ADAM22: variants seen among roughly 807,000 people sequenced by gnomAD.
ADAM22 encodes disintegrin and metalloproteinase domain-containing protein 22.
In ADAM22, 65 loss-of-function variants were observed where a neutral mutation model predicts 144.6. The observed-to-expected ratio is 0.45, with a 90% CI of 0.37 to 0.55. The LOEUF (loss-of-function observed/expected upper bound fraction) is 0.55. Ranked by LOEUF, ADAM22 falls within the 20% of genes least tolerant of loss-of-function variation. The pLI is 0.00. For synonymous variants in ADAM22, 391 were observed against 412.6 expected (o/e 0.95, Z 0.63); for missense variants, 974 against 1,184.9 (o/e 0.82, Z 2.61).
intron 17 of ADAM22, among the ~76,000 whole-genome samples, chr7:88,146,911 A>G (rs1586181616): frequency 1.3e-5 from 2 of 152,170 alleles, no homozygotes; most frequent in African/African-American, 4.8e-5. Context: ...ATTAAACCAA[A>G]TGTGAAAGAC....
intron 2 of ADAM22, among the ~76,000 whole-genome samples, chr7:87,942,234 A>T (rs1435816281): frequency 3.9e-5 from 6 of 152,216 alleles, no homozygotes; most frequent in African/African-American, 1.4e-4. Context: ...TAGTGTCACT[A>T]TATATGTTAT....
intron 24 of ADAM22, among the ~76,000 whole-genome samples, chr7:88,166,776 C>T (rs1423971860): frequency 6.6e-6 from 1 of 151,864 alleles, no homozygotes; most frequent in African/African-American, 2.4e-5. Flanking sequence ...GGAGCTTGTT[C>T]CAGTAATTAA....
chr7:87,939,429 G>A (rs567021908), intron 2 of ADAM22, among the ~76,000 whole-genome samples: 1 of 152,198 alleles, frequency 6.6e-6, no homozygotes, highest in Non-Finnish European at 1.5e-5. Flanking sequence ...AAGGATTTCA[G>A]TTAGGAGAGT....
intron 18 of ADAM22, 90 bp from the exon 19 acceptor site, chr7:88,150,891 A>T: frequency 1.8e-6 from 2 of 1,132,086 alleles, no homozygotes; most frequent in Non-Finnish European, 2.7e-6. Context: ...ATATTAACAA[A>T]TATGTTTTTA....
rs71120012 is a variant in ADAM22, at chr7:87,966,721, G to GTTTTTTTTTTTTTTTTTTTTTTTTT, written c.247-11608_247-11584dup. Among the ~76,000 whole-genome samples the GTTTTTTTTTTTTTTTTTTTTTTTTT allele has an allele frequency of 1.3e-4, 5 of 39,882 alleles. 1 individual carries two copies. The highest frequency in any genetic ancestry group is 4.6e-4 in the African/African-American group (4 of 8,710). 26.2% of individuals were successfully genotyped at this position (39,882 alleles called of 152,430 possible). On this transcript the variant is annotated intron_variant, in intron 2 of 31. Transcript: ENST00000413139. The stretch of plus-strand genomic sequence containing the variant: ...GAGTTCATCTTATCCAAGGAAAGCC[G>GTTTTTTTTTTTTTTTTTTTTTTTTT]TTTTTTTTTTTTTTTTTTTTTTTTT...
Position 88,145,117 on chromosome 7 carries a change from C to G in ADAM22, c.1321-8C>G. ...ATATTTTAGTTCACTTTTTGGTTTT[C>G]CTCACAGCTTCTTGATCCTCCTGAG... On this transcript the variant is annotated splice_region_variant and splice_polypyrimidine_tract_variant and intron_variant, in intron 15 of 31. Coordinates refer to ENST00000413139, the MANE Select transcript of ADAM22 (RefSeq NM_001324418.2). The G allele has an allele frequency of 6.2e-7, 1 of 1,610,398 alleles. No individual in the cohort carries two copies. The highest frequency in any genetic ancestry group is 2.2e-5 in the East Asian group (1 of 44,804).
intron 3 of ADAM22, among the ~76,000 whole-genome samples, chr7:88,007,773 T>G (rs1794314122): frequency 6.6e-6 from 1 of 152,180 alleles, no homozygotes; most frequent in African/African-American, 2.4e-5. Context: ...GACTTAAACG[T>G]TAGACCTAAA....
At chr7:87,953,736 G>A (rs1474342340) in intron 2 of ADAM22, among the ~76,000 whole-genome samples, 4 of 152,110 alleles carry the variant, frequency 2.6e-5, no homozygotes, top group Admixed American at 6.5e-5. Flanking sequence ...AATGTTGATA[G>A]TGGGGTGTTA....
intron 14 of ADAM22, among the ~76,000 whole-genome samples, chr7:88,138,131 A>C (rs2373484): frequency 6.6e-6 from 1 of 152,002 alleles, no homozygotes; most frequent in Non-Finnish European, 1.5e-5. Context: ...TGCCAGCATG[A>C]GTGACAGAGT....
chr7:88,036,020 T>C (rs78194775), intron 3 of ADAM22, among the ~76,000 whole-genome samples: 5,155 of 152,298 alleles, frequency 0.034, 299 homozygotes, highest in African/African-American at 0.12. Context: ...AATACTTACA[T>C]GTAATCATCA....
Position 88,132,929 on chromosome 7 carries a change from T to C in ADAM22, c.1055T>C (p.Leu352Pro). 6.2e-7 allele frequency: 1 copy of C among 1,613,964 alleles called. No individual in the cohort carries two copies. The change falls in exon 12 of 32, where the codon CTG becomes CCG. Residue 352 changes from leucine (L) to proline (P), a missense_variant. Physicochemically the swap from Leu to Pro is moderately conservative, Grantham distance 98. Coordinates refer to ENST00000413139, the MANE Select transcript of ADAM22 (RefSeq NM_001324418.2). ...TATATTGGTGGGATTTGCTCGTTGC[T>C]GAAAGGAGGAGGCGTGAATGAAGTA... ...AAYIGGICSL[L>P]KGGGVNEFGK...
intron 4 of ADAM22, among the ~76,000 whole-genome samples, chr7:88,082,047 G>C (rs553361303): frequency 6.6e-6 from 1 of 152,238 alleles, no homozygotes; most frequent in South Asian, 2.1e-4. Flanking sequence ...TAAGCCAAAA[G>C]AGCAAAACTG....
chr7:88,184,255 TGGC>T (rs1400399832), intron 29 of ADAM22: 1 of 288,130 alleles, frequency 3.5e-6, no homozygotes, highest in Non-Finnish European at 7.1e-6. Flanking sequence ...AAACATTTTT[TGGC>T]TTAGACTTTG....
rs1851293062 is a variant in ADAM22, at chr7:88,202,876, T to A, written c.*6385T>A. On this transcript the variant is annotated 3_prime_UTR_variant, in exon 32 of 32. Transcript: ENST00000413139. ...AGTAAAGTGACTTTCAATAAAAGAT[T>A]TATGTTATTTTGATGCACGACTCTT... The A allele has an allele frequency of 6.6e-6, 1 of 152,192 alleles. No individual in the cohort carries two copies. The highest frequency in any genetic ancestry group is 2.4e-5 in the African/African-American group (1 of 41,436). The allele number at this position is 152,192 out of a possible 1,614,324, so 9.4% of individuals were successfully genotyped here.
At chr7:88,186,539 T>C in intron 29 of ADAM22, 76 bp from the exon 30 acceptor site, 1 of 968,062 alleles carries the variant, frequency 1.0e-6, no homozygotes, top group Non-Finnish European at 1.7e-6. Context: ...AAGACATCCT[T>C]GCTAAGCTTG....
Position 87,934,520 on chromosome 7 carries a change from A to C in ADAM22, c.55A>C (p.Thr19Pro). 6.2e-7 allele frequency: 1 copy of C among 1,608,594 alleles called. No individual in the cohort carries two copies. The highest frequency in any genetic ancestry group is 1.7e-4 in the Middle Eastern group (1 of 6,042). Residue 19 changes from threonine (T) to proline (P), a missense_variant, in exon 1 of 32, where the codon ACC becomes CCC. Physicochemically the swap from Thr to Pro is conservative, Grantham distance 38. Coordinates refer to ENST00000413139, the MANE Select transcript of ADAM22 (RefSeq NM_001324418.2). Reference protein sequence around the residue: ...VPFLLLCVLGTCPPARCGQAG... With the variant: ...VPFLLLCVLGPCPPARCGQAG... ...CTTCTTGCTGCTCTGTGTCCTGGGG[A>C]CCTGCCCTCCGGCGCGCTGCGGCCA...
At chr7:88,168,928 A>T (rs984372383) in intron 25 of ADAM22, among the ~76,000 whole-genome samples, 3 of 152,046 alleles carry the variant, frequency 2.0e-5, no homozygotes, top group African/African-American at 2.4e-5. Flanking sequence ...AACTTAGGTA[A>T]CTCAAAGTTT....
At chr7:88,058,124 A>G (rs1228906241) in intron 3 of ADAM22, among the ~76,000 whole-genome samples, 1 of 152,244 alleles carries the variant, frequency 6.6e-6, no homozygotes, top group African/African-American at 2.4e-5. Flanking sequence ...TTTGGAAGAT[A>G]CAAGAAGAAT....
chr7:88,060,141 C>T (rs1221751897), intron 3 of ADAM22, among the ~76,000 whole-genome samples: 1 of 152,150 alleles, frequency 6.6e-6, no homozygotes, highest in Non-Finnish European at 1.5e-5. Flanking sequence ...TAGATTTCAG[C>T]AAATTATAAT....
Sources: allele counts gnomAD v4.1 joint callset (sites outside exome capture counted in the v4.1 genomes callset), GRCh38; gene constraint gnomAD v4.1.1; transcripts MANE v1.5; gene names NCBI Gene and HGNC (gene_info 2026-07-23, HGNC 2026-07-21).